PRDM16: variants seen among roughly 807,000 people sequenced by gnomAD.
The protein encoded by PRDM16 is histone-lysine N-methyltransferase PRDM16.
In PRDM16, 23 loss-of-function variants were observed where a neutral mutation model predicts 110.6. That is an observed-to-expected ratio of 0.21 (90% confidence interval 0.15 to 0.29). The LOEUF is 0.29. Ranked by LOEUF, PRDM16 falls within the 10% of genes least tolerant of loss-of-function variation. PRDM16 has a pLI of 1.00. For synonymous variants in PRDM16, 799 were observed against 781.8 expected (o/e 1.02, Z -0.37); for missense variants, 1,615 against 1,794.3 (o/e 0.90, Z 1.81).
At chr1:3,301,555 C>G (rs1641208859) in intron 3 of PRDM16, among the ~76,000 whole-genome samples, 1 of 152,160 alleles carries the variant, frequency 6.6e-6, no homozygotes, top group Non-Finnish European at 1.5e-5. Context: ...AGTGCTGAGG[C>G]TGACACCTCT....
chr1:3,412,149 G>A lies in PRDM16; in HGVS notation c.1952G>A (p.Gly651Asp). The change falls in exon 9 of 17, where the codon GGC (glycine) becomes GAC (aspartate). Residue 651 changes from glycine (G) to aspartate (D), a missense_variant. This residue lies in a region of PRDM16 where 772 missense variants were observed against 748.3 expected (regional missense o/e 1.03). Transcript: ENST00000270722. ...KSAEGQPKFGGGLAPPGAPNS... is the reference protein window; with the variant it reads ...KSAEGQPKFGDGLAPPGAPNS... ...GCCGAGGGCCAGCCCAAGTTTGGGG[G>A]CGGCTTGGCGCCCCCGGGGGCCCCG... is the stretch of plus-strand genomic sequence containing the variant. 1.3e-6 allele frequency: 2 copies of A among 1,560,614 alleles called. No homozygotes were observed. The highest frequency in any genetic ancestry group is 1.7e-6 in the Non-Finnish European group (2 of 1,154,122).
intron 1 of PRDM16, among the ~76,000 whole-genome samples, chr1:3,139,056 T>C (rs1030108400): frequency 1.3e-5 from 2 of 152,126 alleles, no homozygotes; most frequent in African/African-American, 4.8e-5. Context: ...CAGTGGGGGC[T>C]TGGGGCCAGG....
At chr1:3,113,415 G>A (rs1052720038) in intron 1 of PRDM16, among the ~76,000 whole-genome samples, 8 of 151,742 alleles carry the variant, frequency 5.3e-5, no homozygotes, top group East Asian at 2.0e-4. Flanking sequence ...AGGGGAGGGC[G>A]TGGGGATGCC....
intron 1 of PRDM16, among the ~76,000 whole-genome samples, chr1:3,104,906 C>A (rs1642618085): frequency 6.6e-6 from 1 of 152,146 alleles, no homozygotes; most frequent in African/African-American, 2.4e-5. Flanking sequence ...AGGTGAACAC[C>A]CACCCGGAGG....
At chr1:3,409,532 AAGG>A (rs1643632735) in intron 8 of PRDM16, among the ~76,000 whole-genome samples, 1 of 152,206 alleles carries the variant, frequency 6.6e-6, no homozygotes, top group Admixed American at 6.5e-5. Flanking sequence ...GCTGGAGTCG[AAGG>A]AGATCAGGCA....
intron 2 of PRDM16, among the ~76,000 whole-genome samples, chr1:3,214,340 C>G (rs1191077817): frequency 6.6e-6 from 1 of 152,160 alleles, no homozygotes; most frequent in South Asian, 2.1e-4. Flanking sequence ...CGACCCAGGG[C>G]GATGGCGGCT....
chr1:3,199,697 G>T (rs573125144), intron 2 of PRDM16, among the ~76,000 whole-genome samples: 1 of 152,166 alleles, frequency 6.6e-6, no homozygotes, highest in African/African-American at 2.4e-5. Context: ...AATCGCTGGG[G>T]GCTGAGAAGC....
rs372408102 is a variant in PRDM16, at chr1:3,073,088, ATCCTGGCCCC to A, written c.37+3803_37+3812del. Reference sequence around the variant, plus strand: ...CTTCCAGAGCAGGTGCCAGCCCGACATCCTGGCCCCTCCTGGCCCCGAGGCTTCCTCGGCT... The same window carrying A: ...CTTCCAGAGCAGGTGCCAGCCCGACATCCTGGCCCCGAGGCTTCCTCGGCT... On this transcript the variant is annotated intron_variant, in intron 1 of 16. Transcript: ENST00000270722. Among the ~76,000 whole-genome samples, 328 of 152,304 alleles carry A rather than the reference ATCCTGGCCCC, an allele frequency of 2.2e-3. 1 individual carries two copies. The highest frequency in any genetic ancestry group is 7.1e-3 in the African/African-American group (293 of 41,556).
Position 3,425,927 on chromosome 1 carries a change from C to T in PRDM16, c.3110-124C>T, listed in dbSNP as rs992193867. On this transcript the variant is annotated intron_variant, in intron 13 of 16. Coordinates refer to ENST00000270722, the MANE Select transcript of PRDM16 (RefSeq NM_022114.4). This position sits in a 1 kb window ranked among gnomAD's most constrained non-coding sequence, Gnocchi z 6.9. The stretch of plus-strand genomic sequence containing the variant: ...TCATTAAAGAGAACCTCGTGCTCTC[C>T]GGTGTCCCTAAGAAACCTGCCTCCC... The T allele has an allele frequency of 3.5e-5, 44 of 1,271,928 alleles. No homozygotes were observed. The highest frequency in any genetic ancestry group is 2.8e-4 in the African/African-American group (19 of 66,670). 78.8% of individuals were successfully genotyped at this position (1,271,928 alleles called of 1,614,324 possible). A position where few individuals can be genotyped will look rare whatever the true frequency, so the allele number is the denominator to read the frequency against.
intron 1 of PRDM16, among the ~76,000 whole-genome samples, chr1:3,073,598 A>G (rs1453343740): frequency 1.3e-5 from 2 of 152,016 alleles, no homozygotes; most frequent in East Asian, 3.9e-4. Flanking sequence ...GCCGCGGTGC[A>G]GCGGCGGCCG....
At chr1:3,340,295 G>A (rs1209337283) in intron 3 of PRDM16, among the ~76,000 whole-genome samples, 3 of 152,008 alleles carry the variant, frequency 2.0e-5, no homozygotes, top group African/African-American at 7.3e-5. Context: ...GCCCCTCGGA[G>A]GGAGGTACAG....
chr1:3,432,699 G>A (rs557257909), intron 16 of PRDM16, among the ~76,000 whole-genome samples: 1 of 152,330 alleles, frequency 6.6e-6, no homozygotes, highest in South Asian at 2.1e-4. Flanking sequence ...GCACTCTACA[G>A]CCCTCCCAGA....
chr1:3,374,516 G>A (rs1195698274), intron 3 of PRDM16, among the ~76,000 whole-genome samples: 4 of 152,284 alleles, frequency 2.6e-5, no homozygotes, highest in South Asian at 2.1e-4. Flanking sequence ...CACCGGCCCC[G>A]CACAGCAGCC....
rs577847924 is a variant in PRDM16 at position 3,201,562 on chromosome 1, C to G, written c.387+15088C>G. On this transcript the variant is annotated intron_variant, in intron 2 of 16. Coordinates refer to ENST00000270722, the MANE Select transcript of PRDM16 (RefSeq NM_022114.4). This position sits in a 1 kb window ranked among gnomAD's most constrained non-coding sequence, Gnocchi z 4.1. Reference sequence around the variant, plus strand: ...AGCTGTGGGGAGGACAGGAGGGCCACCCGGGGCAGCTGCCCTCTGAGGGAC... The same window carrying G: ...AGCTGTGGGGAGGACAGGAGGGCCAGCCGGGGCAGCTGCCCTCTGAGGGAC... Among the ~76,000 whole-genome samples the G allele has an allele frequency of 1.1e-4, 16 of 152,328 alleles. No individual in the cohort carries two copies. The South Asian group carries it at 2.5e-3, about 24-fold the overall frequency.
intron 3 of PRDM16, among the ~76,000 whole-genome samples, chr1:3,313,317 G>A (rs1641511596): frequency 6.6e-6 from 1 of 152,226 alleles, no homozygotes; most frequent in South Asian, 2.1e-4. Flanking sequence ...GCGCCGAGCG[G>A]TGAGTCAGAA....
At chr1:3,351,044 G>A (rs1557626458) in intron 3 of PRDM16, among the ~76,000 whole-genome samples, 3 of 152,224 alleles carry the variant, frequency 2.0e-5, no homozygotes, top group African/African-American at 7.2e-5. Flanking sequence ...CTCTGGGCAG[G>A]GGCACAGACA....
At chr1:3,227,677 G>A (rs1639320681) in intron 2 of PRDM16, among the ~76,000 whole-genome samples, 1 of 152,234 alleles carries the variant, frequency 6.6e-6, no homozygotes, top group Admixed American at 6.5e-5. Flanking sequence ...AAAATGCAAA[G>A]ACCCAAGTCC....
chr1:3,069,551 C>T lies in PRDM16; in HGVS notation c.37+255C>T, dbSNP rs1212343225. Among the ~76,000 whole-genome samples, 1 of 149,250 alleles carries T rather than the reference C, an allele frequency of 6.7e-6. No individual in the cohort carries two copies. The highest frequency in any genetic ancestry group is 1.5e-5 in the Non-Finnish European group (1 of 66,508). On this transcript the variant is annotated intron_variant, in intron 1 of 16. Transcript: ENST00000270722. The surrounding 1 kb of genome is among the most constrained non-coding windows in gnomAD (Gnocchi z 6.1). Reference sequence around the variant, plus strand: ...CCTCCCCGCGGAACCCCCTCCCCCCCCACCAGTGTCAGGCGCTCGGGCCCG... The same window carrying T: ...CCTCCCCGCGGAACCCCCTCCCCCCTCACCAGTGTCAGGCGCTCGGGCCCG...
At chr1:3,155,625 C>T (rs573942185) in intron 1 of PRDM16, among the ~76,000 whole-genome samples, 12 of 152,400 alleles carry the variant, frequency 7.9e-5, no homozygotes, top group Admixed American at 3.3e-4. Flanking sequence ...GCACGGCCGC[C>T]GGCCTCGCCT....
Sources: gnomAD v4.1 joint callset for allele counts (sites outside exome capture counted in the v4.1 genomes callset) on GRCh38, gnomAD v4.1.1 for gene constraint, gnomAD v4.1.1 regional missense constraint, Gnocchi (gnomAD v3.1) non-coding constraint, MANE v1.5 for transcripts, NCBI Gene and HGNC (gene_info 2026-07-23, HGNC 2026-07-21) for gene names.